ZNF93: variants seen among roughly 807,000 people sequenced by gnomAD.
ZNF93 encodes zinc finger protein 505.
In ZNF93, 29 loss-of-function variants were observed where a neutral mutation model predicts 45.0. That is an observed-to-expected ratio of 0.64 (90% CI 0.48 to 0.88). ZNF93 has a LOEUF of 0.88. Among genes scored for constraint, ZNF93 ranks in the 40% least tolerant of loss-of-function variants. The pLI is 0.00. For missense variants in ZNF93, 578 were observed against 724.0 expected, an observed-to-expected ratio of 0.80 and a Z score of 2.31; for synonymous variants, 223 against 244.6, an observed-to-expected ratio of 0.91 and a Z score of 0.82.
At chr19:19,919,712 G>T (rs1478411416) in intron 3 of ZNF93, among the ~76,000 whole-genome samples, 2 of 152,080 alleles carry the variant, frequency 1.3e-5, no homozygotes, top group Non-Finnish European at 1.5e-5. Context: ...TCTCTTTGAA[G>T]CAATTGTGAA....
At chr19:19,901,185 C>T (rs2063269414) in intron 1 of ZNF93, 94 bp downstream of exon 1, 5 of 1,580,828 alleles carry the variant, frequency 3.2e-6, no homozygotes, top group Non-Finnish European at 4.3e-6. Context: ...TCCCCTTAGT[C>T]AGCTCCACAA....
chr19:19,932,472 CTT>C (rs984731797), intron 3 of ZNF93: 2 of 152,018 alleles, frequency 1.3e-5, no homozygotes, highest in Non-Finnish European at 2.9e-5. Flanking sequence ...GGCTGGGTCA[CTT>C]TATTTTGCAT....
In ZNF93 at chr19:19,934,878, G is replaced by A. The variant is rs908452608; in HGVS notation, c.*60G>A. On this transcript the variant is annotated 3_prime_UTR_variant, in exon 4 of 4. Coordinates refer to ENST00000343769, the MANE Select transcript of ZNF93 (RefSeq NM_031218.4). ...CCTCACACCTTACTATACACTGAGAGTTCTGAACTTACTCTGTAACCATCC... is the reference window on the plus strand; with the variant it reads ...CCTCACACCTTACTATACACTGAGAATTCTGAACTTACTCTGTAACCATCC... 2.0e-6 allele frequency: 3 copies of A among 1,515,048 alleles called. No homozygotes were observed. The highest frequency in any genetic ancestry group is 2.1e-5 in the Admixed American group (1 of 48,006). 93.9% of individuals were successfully genotyped at this position (1,515,048 alleles called of 1,614,324 possible).
At chr19:19,908,063 C>A (rs1000690769) in intron 1 of ZNF93, among the ~76,000 whole-genome samples, 11 of 152,074 alleles carry the variant, frequency 7.2e-5, no homozygotes, top group African/African-American at 1.9e-4. Context: ...GTTAGTCTGA[C>A]ATGTTTGTTA....
Position 19,934,483 on chromosome 19 carries a change from A to G in ZNF93, c.1528A>G (p.Lys510Glu), listed in dbSNP as rs1266642494. 1 of 1,613,134 alleles carries G rather than the reference A, an allele frequency of 6.2e-7. No homozygotes were observed. Among genetic ancestry groups the G allele is most frequent in the Non-Finnish European group, 8.5e-7 (1 of 1,179,994 alleles). The change falls in exon 4 of 4, where the codon AAA becomes GAA. Residue 510 changes from lysine to glutamate, a missense_variant. Transcript: ENST00000343769. ...AATTCATACTGGAGAGAAACCCTAC[A>G]AATGTGAAGAATGTGGCAAAGCTTT... The part of the protein sequence containing the change: ...KKIHTGEKPY[K>E]CEECGKAFNQ...
rs2063380638 is a variant in ZNF93, at chr19:19,933,368, C to T, written c.413C>T (p.Thr138Ile). The change falls in exon 4 of 4, where the codon ACA becomes ATA. Residue 138 changes from threonine to isoleucine, a missense_variant. Thr to Ile is a moderately conservative substitution (Grantham distance 89). Transcript: ENST00000343769. The part of the protein sequence containing the change: ...GGYNGLNQCS[T>I]TTQSKVFQCD... ...TATAATGGACTTAACCAGTGTAGTA[C>T]AACTACCCAGAGCAAAGTATTTCAA... The T allele has an allele frequency of 6.2e-7, 1 of 1,605,732 alleles. No homozygotes were observed. Among genetic ancestry groups the T allele is most frequent in the Admixed American group, 1.7e-5 (1 of 58,162 alleles).
chr19:19,914,806 A>C (rs2063318729), intron 1 of ZNF93: 2 of 374,594 alleles, frequency 5.3e-6, no homozygotes, highest in African/African-American at 4.5e-5. Flanking sequence ...CTCGGGCCAA[A>C]AACATTGACA....
chr19:19,923,996 C>G (rs2063349253), intron 3 of ZNF93, among the ~76,000 whole-genome samples: 1 of 152,194 alleles, frequency 6.6e-6, no homozygotes, highest in South Asian at 2.1e-4. Context: ...AATCATCCGT[C>G]TTCTGTGTTG....
chr19:19,911,038 A>C (rs1221428958), intron 1 of ZNF93, among the ~76,000 whole-genome samples: 1 of 152,222 alleles, frequency 6.6e-6, no homozygotes, highest in Non-Finnish European at 1.5e-5. Context: ...TAAGCATCTT[A>C]GGAGTGAGAG....
At chr19:19,903,931 C>T (rs1027942040) in intron 1 of ZNF93, among the ~76,000 whole-genome samples, 6 of 151,278 alleles carry the variant, frequency 4.0e-5, no homozygotes, top group African/African-American at 9.7e-5. Context: ...ACTAGGCGGG[C>T]GCTTGTAATC....
At chr19:19,907,680 G>A (rs2063296749) in intron 1 of ZNF93, 1 of 151,804 alleles carries the variant, frequency 6.6e-6, no homozygotes, top group Admixed American at 6.6e-5. Flanking sequence ...CCGAGTAACT[G>A]GCATGCATCA....
chr19:19,928,299 A>G (rs891860699), intron 3 of ZNF93, among the ~76,000 whole-genome samples: 1 of 152,080 alleles, frequency 6.6e-6, no homozygotes. Context: ...TCATCTGTTT[A>G]TGTTTGTGTC....
intron 3 of ZNF93, among the ~76,000 whole-genome samples, chr19:19,918,692 C>T (rs2063332424): frequency 6.6e-6 from 1 of 152,206 alleles, no homozygotes. Flanking sequence ...TTGCATTTCT[C>T]TGATGGCCAG....
At chr19:19,928,278 A>G (rs2063362148) in intron 3 of ZNF93, among the ~76,000 whole-genome samples, 1 of 151,992 alleles carries the variant, frequency 6.6e-6, no homozygotes, top group Admixed American at 6.6e-5. Flanking sequence ...TGAGCTCTCT[A>G]TTCTGTTCTT....
intron 3 of ZNF93, among the ~76,000 whole-genome samples, chr19:19,929,878 C>T (rs2063367576): frequency 7.7e-6 from 1 of 130,584 alleles, no homozygotes; most frequent in Non-Finnish European, 1.5e-5. Context: ...GCGGAGCTTG[C>T]AGTGAGCCGA....
chr19:19,920,500 T>C (rs1312012805), intron 3 of ZNF93, among the ~76,000 whole-genome samples: 6 of 152,212 alleles, frequency 3.9e-5, no homozygotes, highest in Non-Finnish European at 7.3e-5. Flanking sequence ...TTTCTATTGA[T>C]TGGGATAGTT....
At chr19:19,925,782 G>T (rs1157218087) in intron 3 of ZNF93, among the ~76,000 whole-genome samples, 1 of 151,872 alleles carries the variant, frequency 6.6e-6, no homozygotes, top group Non-Finnish European at 1.5e-5. Flanking sequence ...ATATCAGAGG[G>T]TCTAACCCTA....
intron 1 of ZNF93, among the ~76,000 whole-genome samples, chr19:19,909,855 A>G (rs1297592634): frequency 1.3e-5 from 2 of 152,280 alleles, no homozygotes; most frequent in African/African-American, 2.4e-5. Flanking sequence ...CATGCTGTCC[A>G]TTAAATATGC....
chr19:19,927,290 G>A (rs2063359197), intron 3 of ZNF93: 3 of 397,876 alleles, frequency 7.5e-6, no homozygotes, highest in Non-Finnish European at 1.3e-5. Context: ...CAGCTACTTG[G>A]GAGATTGAAG....
Sources: allele counts gnomAD v4.1 joint callset (sites outside exome capture counted in the v4.1 genomes callset), GRCh38; gene constraint gnomAD v4.1.1; transcripts MANE v1.5; gene names NCBI Gene and HGNC (gene_info 2026-07-23, HGNC 2026-07-21).